RBFOX2: variants seen among roughly 807,000 people sequenced by gnomAD.
RBFOX2 encodes the protein RNA binding protein fox-1 homolog 2.
Under a neutral mutation model 49.1 loss-of-function variants are expected in RBFOX2, and 10 were observed. The observed-to-expected ratio is 0.20, with a 90% CI of 0.13 to 0.35. The LOEUF is 0.35. Among genes scored for constraint, RBFOX2 ranks in the 10% least tolerant of loss-of-function variants. RBFOX2 has a pLI of 1.00. For missense variants in RBFOX2, 323 were observed against 486.9 expected (o/e 0.66, Z 3.17); for synonymous variants, 183 against 187.4 (o/e 0.98, Z 0.19).
Position 35,778,445 on chromosome 22 carries a change from C to T in RBFOX2, c.400-367G>A, listed in dbSNP as rs1343855730. ...TAATATACTATAGAAGGCTGTTACC[C>T]TCCTTTTTTTTACACAAGCAAAGTA... On this transcript the variant is annotated intron_variant, in intron 3 of 11. Coordinates refer to ENST00000405409, the Ensembl canonical transcript of RBFOX2. Among the ~76,000 whole-genome samples, 11 of 152,072 alleles carry T rather than the reference C, an allele frequency of 7.2e-5. No individual in the cohort carries two copies. The East Asian group carries it at 2.1e-3, about 29-fold the overall frequency.
At chr22:35,842,114 T>C (rs1422611845), upstream of RBFOX2, among the ~76,000 whole-genome samples, 1 of 152,196 alleles carries the variant, frequency 6.6e-6, no homozygotes, top group East Asian at 1.9e-4. Flanking sequence ...ACAACATCAT[T>C]ACACCCGCTC....
intron 1 of RBFOX2, among the ~76,000 whole-genome samples, chr22:35,911,854 A>G (rs2049875511): frequency 6.6e-6 from 1 of 152,120 alleles, no homozygotes; most frequent in African/African-American, 2.4e-5. Flanking sequence ...CTCTGGATAA[A>G]ATTTTTAATG....
At chr22:35,840,416 C>A in exon 1 of RBFOX2, 1 of 1,477,886 alleles carries the variant, frequency 6.8e-7, no homozygotes, top group African/African-American at 1.4e-5. Context: ...AGTCTCTCCC[C>A]CTCCTTCTTT....
At chr22:35,895,198 C>T (rs1180387310) in intron 1 of RBFOX2, among the ~76,000 whole-genome samples, 1 of 152,130 alleles carries the variant, frequency 6.6e-6, no homozygotes, top group African/African-American at 2.4e-5. Context: ...TGCAATTCTA[C>T]TTCTAGAAAC....
At chr22:35,816,802 C>T (rs1187232232) in intron 1 of RBFOX2, among the ~76,000 whole-genome samples, 1 of 152,168 alleles carries the variant, frequency 6.6e-6, no homozygotes, top group Non-Finnish European at 1.5e-5. Context: ...AGTTCAGACA[C>T]ACCCATTCCT....
chr22:35,857,906 T>C (rs2042687459), intron 1 of RBFOX2, among the ~76,000 whole-genome samples: 1 of 152,242 alleles, frequency 6.6e-6, no homozygotes. Flanking sequence ...ATCTGTTTCT[T>C]TTCTTCGATC....
At chr22:35,828,922 G>A (rs1485991046) in intron 1 of RBFOX2, among the ~76,000 whole-genome samples, 6 of 151,838 alleles carry the variant, frequency 4.0e-5, no homozygotes, top group East Asian at 1.9e-4. Context: ...GTGGTGGTAC[G>A]CACCTGTAAT....
rs117715732 is a variant in RBFOX2 at position 35,883,205 on chromosome 22, C to T, written c.-34+55642G>A. On this transcript the variant is annotated intron_variant, in intron 1 of 13. Transcript: ENST00000359369. ...ACTTTCTCAGCCTGCTTCCTGCCAG[C>T]AGAATGCTAGGGGTGTCCGACAGCC... Among the ~76,000 whole-genome samples, 1,338 of 152,316 alleles carry T rather than the reference C, an allele frequency of 8.8e-3. 9 individuals are homozygous for T. Among genetic ancestry groups the T allele is most frequent in the Non-Finnish European group, 0.013 (900 of 68,020 alleles).
At chr22:35,960,885 T>C (rs1178233408) in intron 1 of RBFOX2, among the ~76,000 whole-genome samples, 1 of 152,062 alleles carries the variant, frequency 6.6e-6, no homozygotes, top group Non-Finnish European at 1.5e-5. Flanking sequence ...TTTTGCGCAA[T>C]GGTTGTATCA....
chr22:35,917,322 C>T (rs550074643), intron 1 of RBFOX2, among the ~76,000 whole-genome samples: 4 of 151,852 alleles, frequency 2.6e-5, no homozygotes, highest in East Asian at 2.0e-4. Context: ...CTATCTCAGC[C>T]GTCAGGGTCA....
At chr22:35,828,526 C>G (rs1187025809) in intron 1 of RBFOX2, among the ~76,000 whole-genome samples, 3 of 152,188 alleles carry the variant, frequency 2.0e-5, no homozygotes, top group African/African-American at 7.2e-5. Context: ...ACTGCCACAT[C>G]TATGTGTGAA....
chr22:35,890,427 A>G (rs1438436919), intron 1 of RBFOX2, among the ~76,000 whole-genome samples: 2 of 152,184 alleles, frequency 1.3e-5, no homozygotes, highest in Non-Finnish European at 2.9e-5. Context: ...AACTAATAAT[A>G]AAACTGAATA....
At chr22:35,886,558 A>G (rs1569457146) in intron 1 of RBFOX2, among the ~76,000 whole-genome samples, 1 of 152,220 alleles carries the variant, frequency 6.6e-6, no homozygotes, top group Non-Finnish European at 1.5e-5. Context: ...CCTCGGCTAT[A>G]CGGTATGTAC....
intron 1 of RBFOX2, among the ~76,000 whole-genome samples, chr22:35,979,161 C>T (rs2057339765): frequency 6.6e-6 from 1 of 152,058 alleles, no homozygotes; most frequent in Non-Finnish European, 1.5e-5. Context: ...GATATTACTG[C>T]TGTCATGAAG....
At chr22:35,962,886 T>C (rs989878046), upstream of RBFOX2, among the ~76,000 whole-genome samples, 3 of 151,942 alleles carry the variant, frequency 2.0e-5, no homozygotes, top group African/African-American at 7.3e-5. Flanking sequence ...CTATGTCCTA[T>C]GTGACTCTGA....
intron 1 of RBFOX2, among the ~76,000 whole-genome samples, chr22:35,849,862 T>C (rs2041705893): frequency 6.6e-6 from 1 of 152,114 alleles, no homozygotes; most frequent in Admixed American, 6.6e-5. Flanking sequence ...GCAAAAAGCT[T>C]TGAGTTACTA....
chr22:35,897,007 T>C (rs1312639960), intron 1 of RBFOX2, among the ~76,000 whole-genome samples: 1 of 152,228 alleles, frequency 6.6e-6, no homozygotes, highest in Non-Finnish European at 1.5e-5. Flanking sequence ...AAATCTTAAG[T>C]CACCAACACT....
At chr22:35,739,149 T>C (rs1928518529) in exon 12 of RBFOX2, 1 of 153,358 alleles carries the variant, frequency 6.5e-6, no homozygotes, top group Non-Finnish European at 1.5e-5. Context: ...AGGTGGTCGA[T>C]TACACAAGCA....
At chr22:35,949,850 C>T (rs1212670443) in intron 1 of RBFOX2, among the ~76,000 whole-genome samples, 1 of 152,098 alleles carries the variant, frequency 6.6e-6, no homozygotes, top group African/African-American at 2.4e-5. Flanking sequence ...ATACTTTCTT[C>T]CATTAGTTGG....
Sources: gnomAD v4.1 joint callset for allele counts (sites outside exome capture counted in the v4.1 genomes callset) on GRCh38, gnomAD v4.1.1 for gene constraint, MANE v1.5 for transcripts, NCBI Gene and HGNC (gene_info 2026-07-23, HGNC 2026-07-21) for gene names.